Variants in GMDS observed in about 807,000 individuals in gnomAD.
The protein encoded by GMDS is GDP-mannose 4,6-dehydratase.
Under a neutral mutation model 49.9 loss-of-function variants are expected in GMDS, and 20 were observed. That is an observed-to-expected ratio of 0.40 (90% CI 0.28 to 0.58). The LOEUF (loss-of-function observed/expected upper bound fraction) is 0.58, where lower values mean the gene tolerates loss of function less well. Ranked by LOEUF, GMDS falls within the 20% of genes least tolerant of loss-of-function variation. GMDS has a pLI of 0.42. For missense variants in GMDS, 362 were observed against 481.4 expected (o/e 0.75, Z 2.32); for synonymous variants, 177 against 178.6 (o/e 0.99, Z 0.07).
At chr6:1,672,107 T>G (rs1055022197) in intron 9 of GMDS, among the ~76,000 whole-genome samples, 1 of 152,238 alleles carries the variant, frequency 6.6e-6, no homozygotes, top group Non-Finnish European at 1.5e-5. Context: ...GAGTGTTTTT[T>G]CCTGGATTAG....
At chr6:1,975,256 A>G (rs950191621) in intron 4 of GMDS, among the ~76,000 whole-genome samples, 1 of 152,232 alleles carries the variant, frequency 6.6e-6, no homozygotes, top group Non-Finnish European at 1.5e-5. Flanking sequence ...TTTAAGGGAT[A>G]AATAAGCATA....
chr6:1,849,391 C>T (rs116222957), intron 7 of GMDS, among the ~76,000 whole-genome samples: 2,474 of 152,258 alleles, frequency 0.016, 70 homozygotes, highest in African/African-American at 0.056. Flanking sequence ...ACAGGCCACA[C>T]GTGCTCATGA....
intron 7 of GMDS, among the ~76,000 whole-genome samples, chr6:1,777,181 C>T (rs927658819): frequency 1.3e-5 from 2 of 152,280 alleles, no homozygotes; most frequent in African/African-American, 4.8e-5. Context: ...GGCAGTGAAA[C>T]AGGTTACGTG....
At chr6:1,738,138 CACACACAGATACACAT>C (rs1156999371) in intron 8 of GMDS, among the ~76,000 whole-genome samples, 3 of 115,644 alleles carry the variant, frequency 2.6e-5, no homozygotes, top group East Asian at 5.2e-4. Context: ...TACACACATA[CACACACAGATACACAT>C]ACACACACAC....
chr6:1,695,910 TTTTTTTTTTTTTC>T (rs1765321706), intron 9 of GMDS, among the ~76,000 whole-genome samples: 3 of 143,958 alleles, frequency 2.1e-5, no homozygotes, highest in African/African-American at 8.3e-5. Context: ...TGTCTTGGTT[TTTTTTTTTTTTTC>T]TTTTTTTTTT....
At chr6:2,069,803 CTT>C (rs988972562) in intron 4 of GMDS, among the ~76,000 whole-genome samples, 42 of 152,172 alleles carry the variant, frequency 2.8e-4, no homozygotes, top group Admixed American at 5.2e-4. Context: ...AATAGGAACA[CTT>C]TTACACTGCT....
intron 4 of GMDS, among the ~76,000 whole-genome samples, chr6:2,028,648 T>C (rs1466817571): frequency 1.3e-5 from 2 of 152,108 alleles, no homozygotes; most frequent in African/African-American, 4.8e-5. Context: ...AATAAGGAAA[T>C]GGGCTTGCAG....
At chr6:1,807,472 T>C (rs1272549142) in intron 7 of GMDS, among the ~76,000 whole-genome samples, 3 of 152,234 alleles carry the variant, frequency 2.0e-5, no homozygotes, top group African/African-American at 7.2e-5. Flanking sequence ...TCAATCTTAA[T>C]CAAGGGGTAG....
chr6:2,084,473 A>T (rs1015649129), intron 4 of GMDS, among the ~76,000 whole-genome samples: 1 of 152,126 alleles, frequency 6.6e-6, no homozygotes, highest in South Asian at 2.1e-4. Flanking sequence ...ATTTCACAGC[A>T]AGCAGCTCTA....
intron 4 of GMDS, among the ~76,000 whole-genome samples, chr6:2,106,133 T>C (rs1774227938): frequency 6.6e-6 from 1 of 152,234 alleles, no homozygotes; most frequent in Non-Finnish European, 1.5e-5. Context: ...GTAAAAGTGA[T>C]ACCTACTAAT....
At chr6:1,890,883 C>T (rs949329057) in intron 7 of GMDS, among the ~76,000 whole-genome samples, 2 of 152,206 alleles carry the variant, frequency 1.3e-5, no homozygotes, top group African/African-American at 4.8e-5. Context: ...CCAGCCGTGT[C>T]AATGTGAACA....
intron 7 of GMDS, among the ~76,000 whole-genome samples, chr6:1,880,324 G>A (rs768629256): frequency 3.2e-4 from 48 of 150,820 alleles, no homozygotes; most frequent in South Asian, 1.3e-3. Context: ...CAGGTGTGGT[G>A]GTGCACGTTT....
chr6:1,665,317 C>A (rs1764204895), intron 9 of GMDS, among the ~76,000 whole-genome samples: 1 of 152,002 alleles, frequency 6.6e-6, no homozygotes, highest in Admixed American at 6.5e-5. Flanking sequence ...TGTTTCAATT[C>A]CTTGTTTGAA....
In GMDS at chr6:1,833,976, T is replaced by C. The variant is rs560345821; in HGVS notation, c.772-91390A>G. ...TCTTACTCACTCAAAAATGAAGACA[T>C]GTATATACAAACATAACTGAATCAC... On this transcript the variant is annotated intron_variant, in intron 7 of 10. Coordinates refer to ENST00000380815, the MANE Select transcript of GMDS (RefSeq NM_001500.4). The surrounding 1 kb of genome is among the most constrained non-coding windows in gnomAD (Gnocchi z 4.4). 1.3e-5 allele frequency among the ~76,000 whole-genome samples: 2 copies of C among 152,288 alleles called. No homozygotes were observed. The highest frequency in any genetic ancestry group is 1.9e-4 in the East Asian group (1 of 5,192).
At chr6:1,965,305 G>C (rs1037740866) in intron 4 of GMDS, among the ~76,000 whole-genome samples, 2 of 152,196 alleles carry the variant, frequency 1.3e-5, no homozygotes, top group Non-Finnish European at 2.9e-5. Flanking sequence ...TAGTAAATAA[G>C]ATAGGGGAGC....
At chr6:1,665,365 T>C (rs1009799751) in intron 9 of GMDS, among the ~76,000 whole-genome samples, 1 of 152,142 alleles carries the variant, frequency 6.6e-6, no homozygotes, top group African/African-American at 2.4e-5. Context: ...AAAGTGACAA[T>C]GAAATATAAA....
At chr6:2,101,268 T>A (rs1254836147) in intron 4 of GMDS, among the ~76,000 whole-genome samples, 2 of 151,498 alleles carry the variant, frequency 1.3e-5, no homozygotes, top group Non-Finnish European at 3.0e-5. Flanking sequence ...GGAAAGTTCT[T>A]AGGAAATTCT....
At chr6:1,666,915 C>T (rs1345728143) in intron 9 of GMDS, among the ~76,000 whole-genome samples, 2 of 152,234 alleles carry the variant, frequency 1.3e-5, no homozygotes, top group Non-Finnish European at 2.9e-5. Context: ...TCAACTCTCC[C>T]ATTAATGGAG....
At chr6:1,826,168 TA>T (rs1771103337) in intron 7 of GMDS, among the ~76,000 whole-genome samples, 1 of 152,218 alleles carries the variant, frequency 6.6e-6, no homozygotes, top group Non-Finnish European at 1.5e-5. Context: ...GTAGAATTTG[TA>T]AACACTGTAC....
Sources: allele counts gnomAD v4.1 joint callset (sites outside exome capture counted in the v4.1 genomes callset), GRCh38; gene constraint gnomAD v4.1.1; non-coding constraint Gnocchi (gnomAD v3.1); transcripts MANE v1.5; gene names NCBI Gene and HGNC (gene_info 2026-07-23, HGNC 2026-07-21).